SIL1: variants seen among roughly 807,000 people sequenced by gnomAD.
The protein encoded by SIL1 is SIL1 nucleotide exchange factor.
In SIL1, 40 loss-of-function variants were observed where a neutral mutation model predicts 49.1. The observed-to-expected ratio is 0.81, with a 90% confidence interval of 0.63 to 1.06. The LOEUF is 1.06. SIL1 is among the 50% of genes least tolerant of loss of function. SIL1 has a pLI of 0.00. For missense variants in SIL1, 500 were observed against 572.6 expected (o/e 0.87, Z 1.29); for synonymous variants, 253 against 250.8 (o/e 1.01, Z -0.08).
Position 138,961,962 on chromosome 5 carries a change from T to TC in SIL1, c.768-10079_768-10078insG, listed in dbSNP as rs779929675. On this transcript the variant is annotated intron_variant, in intron 7 of 9. Transcript: ENST00000394817. ...CTGATGTTCTCTAGACTTTTTTTTT[T>TC]TTTTTTTTTTTACCAGACAGATCCT... Among the ~76,000 whole-genome samples the TC allele has an allele frequency of 3.1e-3, 464 of 151,140 alleles. 1 individual carries two copies. Among genetic ancestry groups the TC allele is most frequent in the South Asian group, 0.013 (61 of 4,760 alleles).
chr5:139,052,073 C>T (rs1221146458), intron 3 of SIL1, among the ~76,000 whole-genome samples: 1 of 152,156 alleles, frequency 6.6e-6, no homozygotes, highest in African/African-American at 2.4e-5. Context: ...AAATCAATGA[C>T]TTTCAGAAAA....
At chr5:138,969,551 G>A (rs1266562843) in intron 7 of SIL1, among the ~76,000 whole-genome samples, 1 of 152,222 alleles carries the variant, frequency 6.6e-6, no homozygotes, top group Admixed American at 6.5e-5. Context: ...TTCCATCTGA[G>A]AGCCACTCAC....
chr5:139,093,817 T>G (rs1204341407), intron 3 of SIL1: 1 of 152,128 alleles, frequency 6.6e-6, no homozygotes, highest in Non-Finnish European at 1.5e-5. Context: ...ATACTGTGAG[T>G]AGATGAATTT....
intron 3 of SIL1, among the ~76,000 whole-genome samples, chr5:139,066,852 T>A (rs1156315546): frequency 6.6e-6 from 1 of 152,114 alleles, no homozygotes; most frequent in Non-Finnish European, 1.5e-5. Flanking sequence ...ACTACAAGCA[T>A]GCACACCACA....
intron 1 of SIL1, among the ~76,000 whole-genome samples, chr5:139,169,475 GATT>G (rs1561888291): frequency 8.3e-6 from 1 of 120,674 alleles, no homozygotes; most frequent in South Asian, 2.8e-4. Flanking sequence ...TATATAGATA[GATT>G]TTTTTTTTTT....
At chr5:139,136,792 A>G (rs946291340) in intron 1 of SIL1, among the ~76,000 whole-genome samples, 3 of 152,182 alleles carry the variant, frequency 2.0e-5, no homozygotes, top group Admixed American at 2.0e-4. Flanking sequence ...ACATTTCACT[A>G]AAGTCTTAAT....
intron 7 of SIL1, among the ~76,000 whole-genome samples, chr5:138,957,441 G>A (rs575463273): frequency 8.0e-5 from 12 of 150,598 alleles, no homozygotes; most frequent in Non-Finnish European, 1.2e-4. Flanking sequence ...AAAAATTGCC[G>A]GGCATGGTGG....
chr5:138,973,225 G>T (rs975893831), intron 7 of SIL1, among the ~76,000 whole-genome samples: 9 of 144,610 alleles, frequency 6.2e-5, no homozygotes, highest in Non-Finnish European at 9.2e-5. Context: ...AAAAAAAAAG[G>T]TTGTGTAAGA....
intron 6 of SIL1, 49 bp from the exon 7 acceptor site, chr5:139,021,341 A>G (rs763023906): frequency 6.2e-7 from 1 of 1,609,032 alleles, no homozygotes; most frequent in East Asian, 2.2e-5. Context: ...GGGACAGGAA[A>G]GCTGTTCTTA....
intron 2 of SIL1, among the ~76,000 whole-genome samples, chr5:139,121,820 T>C (rs910278152): frequency 3.9e-5 from 6 of 152,170 alleles, no homozygotes; most frequent in Non-Finnish European, 5.9e-5. Flanking sequence ...CTAAAACCTG[T>C]TGCCTTCCAC....
intron 1 of SIL1, among the ~76,000 whole-genome samples, chr5:139,151,849 A>G (rs924257699): frequency 6.6e-6 from 1 of 152,258 alleles, no homozygotes; most frequent in East Asian, 1.9e-4. Flanking sequence ...GGAAACCCCA[A>G]GGATATTTAA....
chr5:139,141,228 G>A (rs577260519), intron 1 of SIL1, among the ~76,000 whole-genome samples: 2 of 151,920 alleles, frequency 1.3e-5, no homozygotes, highest in Non-Finnish European at 2.9e-5. Context: ...CACTTTTCCT[G>A]GCACTCAAAA....
At chr5:139,175,446 A>C (rs1380195549) in intron 1 of SIL1, among the ~76,000 whole-genome samples, 1 of 152,214 alleles carries the variant, frequency 6.6e-6, no homozygotes, top group Non-Finnish European at 1.5e-5. Flanking sequence ...ACAAATAGAA[A>C]TTCTGAACAG....
chr5:138,981,130 T>C (rs978266439), intron 7 of SIL1, among the ~76,000 whole-genome samples: 3 of 151,238 alleles, frequency 2.0e-5, no homozygotes, highest in Non-Finnish European at 2.9e-5. Context: ...GGAGAATCGC[T>C]TGAACCCAGG....
chr5:139,106,362 AATAAC>A (rs1770712556), intron 3 of SIL1, among the ~76,000 whole-genome samples: 1 of 152,232 alleles, frequency 6.6e-6, no homozygotes, highest in African/African-American at 2.4e-5. Context: ...TTATGCCTAA[AATAAC>A]CTACAGAAAA....
intron 1 of SIL1, among the ~76,000 whole-genome samples, chr5:139,170,066 G>C (rs1456522174): frequency 1.3e-5 from 2 of 152,204 alleles, no homozygotes; most frequent in Admixed American, 1.3e-4. Flanking sequence ...ACGGGGTTTC[G>C]CTGTGTTGGC....
At chr5:139,153,010 G>A (rs1447158756) in intron 1 of SIL1, among the ~76,000 whole-genome samples, 1 of 152,160 alleles carries the variant, frequency 6.6e-6, no homozygotes, top group East Asian at 1.9e-4. Flanking sequence ...TAGAGACGGG[G>A]TTTCTCCATG....
chr5:139,172,329 A>G (rs911431332), intron 1 of SIL1, among the ~76,000 whole-genome samples: 3 of 152,316 alleles, frequency 2.0e-5, no homozygotes, highest in Admixed American at 6.5e-5. Context: ...TTGAAAGACA[A>G]AGGGCCAGGT....
chr5:138,979,532 C>T (rs763576130), intron 7 of SIL1, among the ~76,000 whole-genome samples: 4 of 151,934 alleles, frequency 2.6e-5, no homozygotes, highest in Non-Finnish European at 5.9e-5. Flanking sequence ...GAGACAGGGT[C>T]TCACTCTGTC....
Sources: gnomAD v4.1 joint callset for allele counts (sites outside exome capture counted in the v4.1 genomes callset) on GRCh38, gnomAD v4.1.1 for gene constraint, MANE v1.5 for transcripts, NCBI Gene and HGNC (gene_info 2026-07-23, HGNC 2026-07-21) for gene names.